The following RRAGD variants were observed in gnomAD, a reference collection of about 807,000 sequenced individuals.
RRAGD encodes Ras related GTP binding D.
RRAGD carries 12 observed loss-of-function variants against 35.5 expected under a neutral mutation model. That is an observed-to-expected ratio of 0.34 (90% CI 0.22 to 0.55). The LOEUF (loss-of-function observed/expected upper bound fraction) is 0.55. Among genes scored for constraint, RRAGD ranks in the 20% least tolerant of loss-of-function variants. RRAGD has a pLI of 0.91. For missense variants in RRAGD, 324 were observed against 490.1 expected, an observed-to-expected ratio of 0.66 and a Z score of 3.20; for synonymous variants, 155 against 178.9, an observed-to-expected ratio of 0.87 and a Z score of 1.07.
At chr6:89,401,257 A>AAT (rs200070448) in intron 1 of RRAGD, among the ~76,000 whole-genome samples, 2 of 145,932 alleles carry the variant, frequency 1.4e-5, no homozygotes, top group East Asian at 2.8e-4. Context: ...GCTTCCCCAC[A>AAT]ATATATTTTT....
intron 5 of RRAGD, among the ~76,000 whole-genome samples, chr6:89,376,460 G>T (rs1030836380): frequency 6.6e-6 from 1 of 152,054 alleles, no homozygotes; most frequent in Non-Finnish European, 1.5e-5. Flanking sequence ...GTGTAAGGCA[G>T]GTCACAGGCA....
intron 5 of RRAGD, among the ~76,000 whole-genome samples, chr6:89,375,176 A>G (rs1768916361): frequency 1.3e-5 from 2 of 152,218 alleles, no homozygotes; most frequent in South Asian, 4.1e-4. Context: ...AGAACAAACT[A>G]TATAAAATGT....
intron 1 of RRAGD, among the ~76,000 whole-genome samples, chr6:89,405,295 A>T (rs1297461281): frequency 1.4e-5 from 2 of 140,552 alleles, no homozygotes; most frequent in Non-Finnish European, 3.0e-5. Context: ...CGGAGCTTGC[A>T]GTGAGCCGAG....
intron 1 of RRAGD, among the ~76,000 whole-genome samples, chr6:89,394,898 T>TAA (rs1305275338): frequency 6.6e-6 from 1 of 152,192 alleles, no homozygotes; most frequent in Non-Finnish European, 1.5e-5. Flanking sequence ...CATATATAAT[T>TAA]AAAATTGGCT....
At chr6:89,402,508 G>T (rs1022555957) in intron 1 of RRAGD, among the ~76,000 whole-genome samples, 8 of 152,180 alleles carry the variant, frequency 5.3e-5, no homozygotes, top group African/African-American at 1.4e-4. Context: ...CAGGACTTGT[G>T]AGTGCAAATC....
intron 5 of RRAGD, among the ~76,000 whole-genome samples, chr6:89,376,671 A>G (rs1768953025): frequency 6.6e-6 from 1 of 151,982 alleles, no homozygotes; most frequent in African/African-American, 2.4e-5. Context: ...AGTTTCCCCC[A>G]CTCCTTGTTT....
rs1379731707 is a variant in RRAGD at position 89,365,841 on chromosome 6, A to G, written c.*2215T>C. 6.6e-6 allele frequency: 1 copy of G among 152,220 alleles called. No individual in the cohort carries two copies. The highest frequency in any genetic ancestry group is 2.4e-5 in the African/African-American group (1 of 41,458). The allele number at this position is 152,220 out of a possible 1,614,324, so 9.4% of individuals were successfully genotyped here. ...TAATGTGTGATTTACCAAATAGGCT[A>G]GTGTCTCTAGCTTGAGGATAAAGTC... On this transcript the variant is annotated 3_prime_UTR_variant, in exon 7 of 7. Transcript: ENST00000369415.
In RRAGD at chr6:89,392,445, A is replaced by G. The variant is rs115261674; in HGVS notation, c.149-4855T>C. On this transcript the variant is annotated intron_variant, in intron 1 of 6. Coordinates refer to ENST00000369415, the MANE Select transcript of RRAGD (RefSeq NM_021244.5). The stretch of plus-strand genomic sequence containing the variant: ...CCGTGAGCTTTGATTGCACTACTGC[A>G]CTCCAGCCTGGACAACAGTGCAAAA... Among the ~76,000 whole-genome samples the G allele has an allele frequency of 5.6e-3, 831 of 149,248 alleles. 9 individuals carry two copies. Among genetic ancestry groups the G allele is most frequent in the African/African-American group, 0.019 (754 of 40,180 alleles).
intron 1 of RRAGD, among the ~76,000 whole-genome samples, chr6:89,391,537 A>T (rs1769232809): frequency 6.6e-6 from 1 of 152,232 alleles, no homozygotes; most frequent in Admixed American, 6.5e-5. Flanking sequence ...TATTTACATG[A>T]AATGTTCAGA....
chr6:89,378,360 A>G (rs1466104187), intron 4 of RRAGD, among the ~76,000 whole-genome samples: 1 of 152,216 alleles, frequency 6.6e-6, no homozygotes, highest in Non-Finnish European at 1.5e-5. Context: ...AACCAAATTG[A>G]GCAATATTTC....
At chr6:89,409,180 A>G (rs1376139037) in intron 1 of RRAGD, among the ~76,000 whole-genome samples, 2 of 152,390 alleles carry the variant, frequency 1.3e-5, no homozygotes, top group East Asian at 3.8e-4. Flanking sequence ...AGGTTCCTTT[A>G]TAAGTCCTAC....
intron 1 of RRAGD, among the ~76,000 whole-genome samples, chr6:89,393,795 T>C (rs941952736): frequency 7.2e-5 from 11 of 152,172 alleles, no homozygotes; most frequent in Non-Finnish European, 1.2e-4. Context: ...AAGCTAAATA[T>C]ACTTCAGAGA....
intron 1 of RRAGD, among the ~76,000 whole-genome samples, chr6:89,405,649 G>A (rs921148451): frequency 2.6e-5 from 4 of 152,024 alleles, no homozygotes; most frequent in African/African-American, 7.2e-5. Flanking sequence ...GCAACGAGAG[G>A]GTCTTCAGTG....
rs908142913 is a variant in RRAGD at position 89,367,775 on chromosome 6, A to T, written c.*281T>A. The T allele has an allele frequency of 4.8e-5, 15 of 310,624 alleles. No individual in the cohort carries two copies. The highest frequency in any genetic ancestry group is 3.0e-4 in the African/African-American group (14 of 46,706). 19.2% of individuals were successfully genotyped at this position (310,624 alleles called of 1,614,324 possible). A position where few individuals can be genotyped will look rare whatever the true frequency, so the allele number is the denominator to read the frequency against. ...GTGCAAAATATGTACAATTCCTGGC[A>T]GTTCTCACACGGGATTTTTTTGACT... On this transcript the variant is annotated 3_prime_UTR_variant, in exon 7 of 7. Transcript: ENST00000369415.
intron 1 of RRAGD, among the ~76,000 whole-genome samples, chr6:89,410,919 ACAT>A (rs1241546918): frequency 6.6e-6 from 1 of 152,232 alleles, no homozygotes; most frequent in Admixed American, 6.5e-5. Flanking sequence ...ACTGAGAATA[ACAT>A]CATGTTTAAC....
intron 6 of RRAGD, among the ~76,000 whole-genome samples, chr6:89,370,740 G>T (rs1320934581): frequency 6.6e-6 from 1 of 152,104 alleles, no homozygotes; most frequent in Non-Finnish European, 1.5e-5. Flanking sequence ...AAAAGACGGT[G>T]AATTGGAAAC....
At chr6:89,408,836 G>A (rs1286192355) in intron 1 of RRAGD, among the ~76,000 whole-genome samples, 1 of 152,158 alleles carries the variant, frequency 6.6e-6, no homozygotes, top group Non-Finnish European at 1.5e-5. Context: ...AAGATTTAAA[G>A]TCCATGAATC....
rs1277816080 is a variant in RRAGD, at chr6:89,380,334, G to C, written c.478C>G (p.Leu160Val). Residue 160 changes from leucine (L) to valine (V), a missense_variant, in exon 3 of 7, where the codon CTC (leucine) becomes GTC (valine). Transcript: ENST00000369415. ...ACTTTGTAGGCCCTGGTCACCGTGA[G>C]GTGGAGCCTGGCCAGGGCTTCCATG... ...DYMEALARLH[L>V]TVTRAYKVNT... 1 of 1,614,230 alleles carries C rather than the reference G, an allele frequency of 6.2e-7. No homozygotes were observed. The highest frequency in any genetic ancestry group is 8.5e-7 in the Non-Finnish European group (1 of 1,180,050).
intron 2 of RRAGD, among the ~76,000 whole-genome samples, chr6:89,387,010 C>T (rs760472558): frequency 2.0e-5 from 3 of 152,116 alleles, no homozygotes; most frequent in Non-Finnish European, 1.5e-5. Context: ...TGTTGACTAG[C>T]GGTACCATAG....
Sources: allele counts gnomAD v4.1 joint callset (sites outside exome capture counted in the v4.1 genomes callset), GRCh38; gene constraint gnomAD v4.1.1; transcripts MANE v1.5; gene names NCBI Gene and HGNC (gene_info 2026-07-23, HGNC 2026-07-21).